DLGAP2: variants seen among roughly 807,000 people sequenced by gnomAD.
DLGAP2 encodes DLG associated protein 2, also known as disks large-associated protein 2.
Under a neutral mutation model 100.3 loss-of-function variants are expected in DLGAP2, and 26 were observed. The observed-to-expected ratio is 0.26, with a 90% CI of 0.19 to 0.36. The LOEUF (loss-of-function observed/expected upper bound fraction) is 0.36. Among genes scored for constraint, DLGAP2 ranks in the 10% least tolerant of loss-of-function variants. DLGAP2 has a pLI of 1.00. For synonymous variants in DLGAP2, 886 were observed against 630.1 expected (o/e 1.41, Z -6.08); for missense variants, 1,858 against 1,453.2 (o/e 1.28, Z -4.53).
At chr8:1,613,980 G>A (rs899894380) in intron 6 of DLGAP2, among the ~76,000 whole-genome samples, 1 of 152,204 alleles carries the variant, frequency 6.6e-6, no homozygotes, top group Non-Finnish European at 1.5e-5. Flanking sequence ...AGTAAGGCCA[G>A]GCTTTGCAAT....
At position 1,267,605 on chromosome 8, in the gene DLGAP2, A is replaced by AAAT. The variant is rs1491118972; in HGVS notation, c.106+8722_106+8723insAAT. 5.8e-4 allele frequency among the ~76,000 whole-genome samples: 58 copies of AAAT among 99,884 alleles called. 1 individual carries two copies. The highest frequency in any genetic ancestry group is 9.7e-4 in the Non-Finnish European group (50 of 51,700). 65.5% of individuals were successfully genotyped at this position (99,884 alleles called of 152,430 possible). A position where few individuals can be genotyped will look rare whatever the true frequency, so the allele number is the denominator to read the frequency against. Reference sequence around the variant, plus strand: ...AAATAAAATAAGATAAGATAAGATAAGATAAGATAAGATAAGATAAATATT... The same window carrying AAAT: ...AAATAAAATAAGATAAGATAAGATAAAATGATAAGATAAGATAAGATAAATATT... On this transcript the variant is annotated intron_variant, in intron 3 of 14. Coordinates refer to ENST00000637795, the MANE Select transcript of DLGAP2 (RefSeq NM_001346810.2).
chr8:814,973 T>G (rs1796449752), intron 1 of DLGAP2, among the ~76,000 whole-genome samples: 1 of 151,534 alleles, frequency 6.6e-6, no homozygotes, highest in African/African-American at 2.4e-5. Flanking sequence ...AAGATTAAGC[T>G]AAAGAAATTT....
chr8:1,687,221 C>T (rs938372981), intron 12 of DLGAP2, among the ~76,000 whole-genome samples: 3 of 152,098 alleles, frequency 2.0e-5, no homozygotes, highest in Non-Finnish European at 2.9e-5. Flanking sequence ...ATTAGAACAC[C>T]AGAATAGTGT....
chr8:1,019,769 A>T (rs1801577289), intron 2 of DLGAP2: 1 of 152,154 alleles, frequency 6.6e-6, no homozygotes. Context: ...CCTCCCGCCG[A>T]CCTAGCACCT....
chr8:1,200,396 C>G (rs1041862111), intron 2 of DLGAP2, among the ~76,000 whole-genome samples: 2 of 152,206 alleles, frequency 1.3e-5, no homozygotes, highest in East Asian at 1.9e-4. Context: ...TGTATTTCCT[C>G]AAGGACAGTC....
intron 12 of DLGAP2, among the ~76,000 whole-genome samples, chr8:1,681,923 C>T (rs1798958986): frequency 6.8e-6 from 1 of 147,952 alleles, no homozygotes; most frequent in African/African-American, 2.6e-5. Flanking sequence ...AGTCACGGCC[C>T]TCTGACGTTG....
intron 3 of DLGAP2, among the ~76,000 whole-genome samples, chr8:1,482,748 C>A (rs1003496846): frequency 2.0e-5 from 3 of 152,258 alleles, no homozygotes; most frequent in Admixed American, 6.5e-5. Context: ...CTCGGCGTCT[C>A]CCCGCCCCAA....
At chr8:811,589 A>G (rs1160225023) in intron 1 of DLGAP2, among the ~76,000 whole-genome samples, 90 of 118,338 alleles carry the variant, frequency 7.6e-4, no homozygotes, top group Middle Eastern at 6.2e-3. Flanking sequence ...GGCTCCTGCC[A>G]TGGTGAGAGG....
At chr8:1,246,124 G>A (rs567457008) in intron 2 of DLGAP2, among the ~76,000 whole-genome samples, 5 of 152,254 alleles carry the variant, frequency 3.3e-5, no homozygotes, top group Non-Finnish European at 7.4e-5. Context: ...TCATGAATAG[G>A]ATTCCCATAG....
intron 2 of DLGAP2, among the ~76,000 whole-genome samples, chr8:1,039,417 G>C (rs1419465820): frequency 6.7e-6 from 1 of 149,570 alleles, no homozygotes; most frequent in African/African-American, 2.5e-5. Flanking sequence ...TCTGTGGTCA[G>C]CTCGGTTTCT....
Position 1,350,353 on chromosome 8 carries a change from T to C in DLGAP2, c.106+91470T>C, listed in dbSNP as rs80027086. Among the ~76,000 whole-genome samples the C allele has an allele frequency of 4.3e-3, 149 of 34,766 alleles. 9 individuals are homozygous for C. The highest frequency in any genetic ancestry group is 0.029 in the Middle Eastern group (2 of 68). 22.8% of individuals were successfully genotyped at this position (34,766 alleles called of 152,430 possible). A position where few individuals can be genotyped will look rare whatever the true frequency, so the allele number is the denominator to read the frequency against. On this transcript the variant is annotated intron_variant, in intron 3 of 14. Transcript: ENST00000637795. ...AAAGGCCGTGCGGGTCCTGACAGTG[T>C]GTGGAAAGGCCGCGTGGGTCCTGAC...
At chr8:1,008,782 T>A (rs2129020100) in intron 2 of DLGAP2, among the ~76,000 whole-genome samples, 1 of 152,350 alleles carries the variant, frequency 6.6e-6, no homozygotes, top group South Asian at 2.1e-4. Context: ...CTCCACCTGC[T>A]GCATGGTGCT....
intron 5 of DLGAP2, among the ~76,000 whole-genome samples, chr8:1,552,410 T>C (rs1272309950): frequency 1.3e-5 from 2 of 152,226 alleles, no homozygotes; most frequent in Non-Finnish European, 2.9e-5. Context: ...CCCCCAGTGG[T>C]TGCTGCTGGA....
At chr8:1,686,009 A>G (rs1030853115) in intron 12 of DLGAP2, among the ~76,000 whole-genome samples, 3 of 152,198 alleles carry the variant, frequency 2.0e-5, no homozygotes, top group Non-Finnish European at 4.4e-5. Flanking sequence ...GGAAAGCAGT[A>G]TAGAGATTTC....
At chr8:1,161,030 A>C (rs1337832082) in intron 2 of DLGAP2, among the ~76,000 whole-genome samples, 1 of 152,220 alleles carries the variant, frequency 6.6e-6, no homozygotes, top group Non-Finnish European at 1.5e-5. Flanking sequence ...CTTATATCCA[A>C]CTTATTCCTG....
At chr8:1,520,015 G>A (rs528262645) in intron 4 of DLGAP2, among the ~76,000 whole-genome samples, 1 of 152,302 alleles carries the variant, frequency 6.6e-6, no homozygotes, top group East Asian at 1.9e-4. Flanking sequence ...CAGGAGGTGT[G>A]GGCCATCGCT....
intron 1 of DLGAP2, among the ~76,000 whole-genome samples, chr8:785,475 C>G (rs1257226056): frequency 1.4e-5 from 2 of 147,238 alleles, no homozygotes; most frequent in African/African-American, 2.5e-5. Context: ...CCCTCCTCCC[C>G]TCAGCCCCTG....
chr8:932,276 C>G (rs975844262), intron 2 of DLGAP2, among the ~76,000 whole-genome samples: 5 of 152,204 alleles, frequency 3.3e-5, no homozygotes, highest in African/African-American at 7.2e-5. Context: ...GACAAATGTT[C>G]TCTGAAGTTC....
chr8:1,662,556 C>T (rs118110297), intron 8 of DLGAP2, among the ~76,000 whole-genome samples: 3,415 of 152,348 alleles, frequency 0.022, 59 homozygotes, highest in Middle Eastern at 0.041. Flanking sequence ...GAAAACTAGA[C>T]TCATTATAAC....
Sources: allele counts gnomAD v4.1 joint callset (sites outside exome capture counted in the v4.1 genomes callset), GRCh38; gene constraint gnomAD v4.1.1; transcripts MANE v1.5; gene names NCBI Gene and HGNC (gene_info 2026-07-23, HGNC 2026-07-21).